The following PHF21A variants were observed in gnomAD, a reference collection of about 807,000 sequenced individuals.
The protein encoded by PHF21A is BHC80a.
A neutral mutation model predicts 82.5 loss-of-function variants in PHF21A; 11 were observed. The observed-to-expected ratio is 0.13, with a 90% CI of 0.08 to 0.22. The LOEUF (loss-of-function observed/expected upper bound fraction) is 0.22. Among genes scored for constraint, PHF21A ranks in the 10% least tolerant of loss-of-function variants. PHF21A has a pLI of 1.00. For missense variants in PHF21A, 579 were observed against 837.8 expected (o/e 0.69, Z 3.81); for synonymous variants, 297 against 302.8 (o/e 0.98, Z 0.20).
chr11:46,016,779 T>C (rs751755568), intron 6 of PHF21A, among the ~76,000 whole-genome samples: 1 of 151,782 alleles, frequency 6.6e-6, no homozygotes, highest in African/African-American at 2.4e-5. Context: ...TCAGAAATGT[T>C]TGGTAAACTG....
At chr11:46,044,152 AAAT>A (rs2138892558) in intron 6 of PHF21A, among the ~76,000 whole-genome samples, 1 of 152,304 alleles carries the variant, frequency 6.6e-6, no homozygotes, top group South Asian at 2.1e-4. Flanking sequence ...TAAATGAGAT[AAAT>A]AATAGCAACT....
chr11:46,087,397 C>T (rs1208045700), intron 3 of PHF21A, among the ~76,000 whole-genome samples: 1 of 152,172 alleles, frequency 6.6e-6, no homozygotes, highest in African/African-American at 2.4e-5. Context: ...TTGTCTGCTT[C>T]TCAGAGATAC....
chr11:46,053,921 G>A (rs1282556800), intron 6 of PHF21A, among the ~76,000 whole-genome samples: 1 of 152,132 alleles, frequency 6.6e-6, no homozygotes. Context: ...GAGATTCCAG[G>A]CTTTTCCATT....
intron 9 of PHF21A, among the ~76,000 whole-genome samples, chr11:45,966,804 G>A (rs539263415): frequency 1.3e-5 from 2 of 152,038 alleles, no homozygotes; most frequent in East Asian, 2.0e-4. Flanking sequence ...TTTTTAGTAC[G>A]GACAGGGTTT....
Position 45,979,896 on chromosome 11 carries a change from T to A in PHF21A, c.224A>T (p.Gln75Leu), listed in dbSNP as rs1274193021. Residue 75 changes from glutamine to leucine, a missense_variant, in exon 7 of 19, where the codon CAG (glutamine) becomes CTG (leucine). By Grantham distance (113) the Gln-to-Leu change is moderately radical (BLOSUM62 -2). This residue lies in a region of PHF21A where 410 missense variants were observed against 642.1 expected (regional missense o/e 0.64). Coordinates refer to ENST00000676320, the MANE Select transcript of PHF21A (RefSeq NM_001352027.3). ...TTTGTTTTCAGATTGTGGCAATGGC[T>A]GTATTTGGAACTTGTCCGGTTGTTC... The part of the protein sequence containing the change: ...KQEQPDKFQI[Q>L]PLPQSENKLQ... 2 of 1,614,110 alleles carry A rather than the reference T, an allele frequency of 1.2e-6. No homozygotes were observed. The highest frequency in any genetic ancestry group is 1.3e-5 in the African/African-American group (1 of 74,940).
intron 6 of PHF21A, among the ~76,000 whole-genome samples, chr11:46,021,411 G>C (rs559061568): frequency 1.3e-5 from 2 of 152,122 alleles, no homozygotes; most frequent in African/African-American, 4.8e-5. Context: ...CTATTAACAA[G>C]TATACACCAT....
chr11:46,091,728 T>C (rs2096926602), intron 2 of PHF21A, among the ~76,000 whole-genome samples: 1 of 152,206 alleles, frequency 6.6e-6, no homozygotes, highest in Non-Finnish European at 1.5e-5. Context: ...TAATCTTTTT[T>C]TAAGAGATGA....
chr11:45,949,465 C>T lies in PHF21A; in HGVS notation c.1164G>A (p.Arg388=). 1 of 1,614,146 alleles carries T rather than the reference C, an allele frequency of 6.2e-7. No individual in the cohort carries two copies. The highest frequency in any genetic ancestry group is 1.3e-5 in the African/African-American group (1 of 75,056). Reference sequence around the variant, plus strand: ...CTGTTGTTCTTCTTTTTCGCTCTTGCCTCTTGCTTTGGATTTCTTGAGAGA... The same window carrying T: ...CTGTTGTTCTTCTTTTTCGCTCTTGTCTCTTGCTTTGGATTTCTTGAGAGA... The part of the protein sequence containing the change: ...HDHLEEIQSK[R]QERKRRTTAN... The change falls in exon 13 of 19, where the codon AGG becomes AGA. Residue 388 remains arginine, a synonymous_variant. Coordinates refer to ENST00000676320, the MANE Select transcript of PHF21A (RefSeq NM_001352027.3).
intron 7 of PHF21A, among the ~76,000 whole-genome samples, chr11:45,973,918 T>A (rs2093899699): frequency 6.6e-6 from 1 of 152,222 alleles, no homozygotes; most frequent in African/African-American, 2.4e-5. Context: ...TTGTTTCAAG[T>A]AAATCATCAA....
intron 6 of PHF21A, among the ~76,000 whole-genome samples, chr11:46,007,330 T>TTTC (rs1330925912): frequency 6.6e-6 from 1 of 152,028 alleles, no homozygotes; most frequent in Non-Finnish European, 1.5e-5. Context: ...TTTTTTTTTT[T>TTTC]TTCGAGATGG....
chr11:45,979,805 G>A lies in PHF21A; in HGVS notation c.315C>T (p.His105=), dbSNP rs372037631. Residue 105 remains histidine (H), a synonymous_variant, in exon 7 of 19, where the codon CAC becomes CAT. Coordinates refer to ENST00000676320, the MANE Select transcript of PHF21A (RefSeq NM_001352027.3). ...LQQQQQYHHH[H]AQQSAAASPN... The stretch of plus-strand genomic sequence containing the variant: ...GAGAGGCTGCAGCTGACTGCTGGGC[G>A]TGGTGGTGGTGGTACTGCTGCTGTT... 91 of 1,612,200 alleles carry A rather than the reference G, an allele frequency of 5.6e-5. 1 individual carries two copies. The highest frequency in any genetic ancestry group is 3.1e-4 in the African/African-American group (23 of 74,868).
chr11:45,958,449 T>TATATATAC (rs780397923), intron 10 of PHF21A, among the ~76,000 whole-genome samples: 6 of 15,080 alleles, frequency 4.0e-4, no homozygotes, highest in Non-Finnish European at 5.2e-4. Flanking sequence ...TATATATATA[T>TATATATAC]ACACACACAC....
At chr11:46,099,523 G>GACACACACACACACACACACACACACAC (rs71038882) in intron 1 of PHF21A, among the ~76,000 whole-genome samples, 2 of 137,592 alleles carry the variant, frequency 1.5e-5, no homozygotes, top group African/African-American at 5.5e-5. Context: ...AGAAAAATTA[G>GACACACACACACACACACACACACACAC]ACACACACAC....
At chr11:45,991,163 C>T (rs1044060163) in intron 6 of PHF21A, among the ~76,000 whole-genome samples, 1 of 152,160 alleles carries the variant, frequency 6.6e-6, no homozygotes, top group Non-Finnish European at 1.5e-5. Context: ...GTTTCTTTCA[C>T]TCAGTAATAA....
chr11:46,004,347 T>C (rs901101068), intron 6 of PHF21A, among the ~76,000 whole-genome samples: 1 of 152,144 alleles, frequency 6.6e-6, no homozygotes, highest in African/African-American at 2.4e-5. Flanking sequence ...GTGAATCAAT[T>C]TGAGATGTCT....
intron 6 of PHF21A, among the ~76,000 whole-genome samples, chr11:46,039,775 G>T (rs2096087025): frequency 6.6e-6 from 1 of 152,220 alleles, no homozygotes; most frequent in South Asian, 2.1e-4. Context: ...AGTCAAAACT[G>T]CACAATCTGC....
chr11:46,073,284 C>T (rs1182273336), intron 6 of PHF21A, among the ~76,000 whole-genome samples: 6 of 150,814 alleles, frequency 4.0e-5, no homozygotes, highest in East Asian at 2.0e-4. Flanking sequence ...GCCAAGACAG[C>T]GCCACTGCAC....
In PHF21A at chr11:46,068,789, A is replaced by G. The variant is rs568626154; in HGVS notation, c.153+7965T>C. 1.5e-3 allele frequency among the ~76,000 whole-genome samples: 230 copies of G among 152,318 alleles called. 1 individual carries two copies. The highest frequency in any genetic ancestry group is 2.1e-3 in the South Asian group (10 of 4,828). On this transcript the variant is annotated intron_variant, in intron 6 of 18. Coordinates refer to ENST00000676320, the MANE Select transcript of PHF21A (RefSeq NM_001352027.3). ...AATTTTAAAAGTCATTCCATTTGCC[A>G]GCACCAAAAATACGTTATTAGGATA...
intron 6 of PHF21A, among the ~76,000 whole-genome samples, chr11:46,000,721 A>G (rs991000163): frequency 6.6e-6 from 1 of 151,976 alleles, no homozygotes; most frequent in East Asian, 1.9e-4. Context: ...GGAGTTAGAG[A>G]CCAGCCTGGC....
Sources: allele counts gnomAD v4.1 joint callset (sites outside exome capture counted in the v4.1 genomes callset), GRCh38; gene constraint gnomAD v4.1.1; regional missense constraint gnomAD v4.1.1; transcripts MANE v1.5; gene names NCBI Gene and HGNC (gene_info 2026-07-23, HGNC 2026-07-21).